Variants in RTN1 observed in about 807,000 individuals in gnomAD.
RTN1 encodes the protein reticulon-1.
In RTN1, 25 loss-of-function variants were observed where a neutral mutation model predicts 65.5. That is an observed-to-expected ratio of 0.38 (90% CI 0.28 to 0.53). The LOEUF (loss-of-function observed/expected upper bound fraction) is 0.53. RTN1 is among the 20% of genes least tolerant of loss of function. RTN1 has a pLI of 0.79. For missense variants in RTN1, 983 were observed against 1,025.4 expected, an observed-to-expected ratio of 0.96 and a Z score of 0.57; for synonymous variants, 471 against 447.6, an observed-to-expected ratio of 1.05 and a Z score of -0.66.
At chr14:59,690,838 C>T (rs1313646056) in intron 3 of RTN1, among the ~76,000 whole-genome samples, 1 of 151,920 alleles carries the variant, frequency 6.6e-6, no homozygotes, top group Non-Finnish European at 1.5e-5. Flanking sequence ...CTCCGAATGA[C>T]TTTTGGGTAA....
At chr14:59,623,507 A>G (rs887987242) in intron 3 of RTN1, among the ~76,000 whole-genome samples, 5 of 152,236 alleles carry the variant, frequency 3.3e-5, no homozygotes, top group Non-Finnish European at 7.4e-5. Flanking sequence ...AGATGGTCAC[A>G]GGGAGGAAAA....
chr14:59,650,250 G>T (rs1882994501), intron 3 of RTN1, among the ~76,000 whole-genome samples: 1 of 152,130 alleles, frequency 6.6e-6, no homozygotes, highest in South Asian at 2.1e-4. Flanking sequence ...GGGCCTGTCA[G>T]ATGTGCAGGG....
intron 3 of RTN1, among the ~76,000 whole-genome samples, chr14:59,696,678 C>T (rs1385585856): frequency 4.6e-5 from 7 of 152,214 alleles, no homozygotes; most frequent in African/African-American, 1.4e-4. Context: ...TCCCAGGTCC[C>T]AAATACTGAT....
intron 3 of RTN1, among the ~76,000 whole-genome samples, chr14:59,633,519 C>T (rs568840361): frequency 6.6e-6 from 1 of 152,304 alleles, no homozygotes; most frequent in South Asian, 2.1e-4. Context: ...TGCACAACTG[C>T]TCACACAGTA....
intron 3 of RTN1, among the ~76,000 whole-genome samples, chr14:59,702,733 C>G (rs1340025894): frequency 6.6e-6 from 1 of 152,218 alleles, no homozygotes; most frequent in Non-Finnish European, 1.5e-5. Context: ...GCCCTGGTCT[C>G]TCCTGTCTAC....
intron 3 of RTN1, among the ~76,000 whole-genome samples, chr14:59,697,194 A>G (rs1316474301): frequency 5.9e-5 from 9 of 152,172 alleles, no homozygotes; most frequent in Admixed American, 5.9e-4. Context: ...AACTTGGCTC[A>G]AATATCCCTC....
chr14:59,760,317 TA>T (rs1028303707), intron 1 of RTN1, among the ~76,000 whole-genome samples: 1 of 152,156 alleles, frequency 6.6e-6, no homozygotes, highest in African/African-American at 2.4e-5. Context: ...GGAATAAGAA[TA>T]TATGTTTGTA....
chr14:59,637,890 C>T (rs2140189753), intron 3 of RTN1, among the ~76,000 whole-genome samples: 1 of 151,744 alleles, frequency 6.6e-6, no homozygotes, highest in African/African-American at 2.4e-5. Flanking sequence ...TTTCACTCGT[C>T]TCCCAGGCTG....
chr14:59,868,441 T>A lies in RTN1; in HGVS notation c.241+1949A>T, dbSNP rs1887834883. On this transcript the variant is annotated intron_variant, in intron 1 of 8. Coordinates refer to ENST00000267484, the MANE Select transcript of RTN1 (RefSeq NM_021136.3). This position sits in a 1 kb window ranked among gnomAD's most constrained non-coding sequence, Gnocchi z 4.0. The stretch of plus-strand genomic sequence containing the variant: ...AAACACATTCAATAAAGCAAGGTAT[T>A]TCTATAATAATAATACTAAAAATGC... Among the ~76,000 whole-genome samples the A allele has an allele frequency of 6.6e-6, 1 of 152,206 alleles. No homozygotes were observed. The highest frequency in any genetic ancestry group is 1.5e-5 in the Non-Finnish European group (1 of 68,040).
chr14:59,849,369 GA>G lies in RTN1; in HGVS notation c.241+21020del, dbSNP rs574603998. ...ATTTTCATATTTGAGCATGGTAAAA[GA>G]AAAACCAATTAACTCCCTGATATTG... On this transcript the variant is annotated intron_variant, in intron 1 of 8. Coordinates refer to ENST00000267484, the MANE Select transcript of RTN1 (RefSeq NM_021136.3). The surrounding 1 kb of genome is among the most constrained non-coding windows in gnomAD (Gnocchi z 4.5). Among the ~76,000 whole-genome samples, 71 of 152,220 alleles carry G rather than the reference GA, an allele frequency of 4.7e-4. No individual in the cohort carries two copies. The highest frequency in any genetic ancestry group is 6.8e-3 in the Middle Eastern group (2 of 294).
Position 59,870,425 on chromosome 14 carries a change from C to T in RTN1, c.206G>A (p.Arg69Gln). 1 of 1,519,684 alleles carries T rather than the reference C, an allele frequency of 6.6e-7. No individual in the cohort carries two copies. Among genetic ancestry groups the T allele is most frequent in the Non-Finnish European group, 8.7e-7 (1 of 1,145,794 alleles). The allele number at this position is 1,519,684 out of a possible 1,614,324, so 94.1% of individuals were successfully genotyped here. A position where few individuals can be genotyped will look rare whatever the true frequency, so the allele number is the denominator to read the frequency against. ...ASREAGSGPA[R>Q]QSPVAMETAS... ...AGTTTCCATGGCAACGGGCGACTGC[C>T]GGGCGGGGCCCGAGCCGGCTTCCCG... is the stretch of plus-strand genomic sequence containing the variant. The change falls in exon 1 of 9, where the codon CGG becomes CAG. Residue 69 changes from arginine (R) to glutamine (Q), a missense_variant. Coordinates refer to ENST00000267484, the MANE Select transcript of RTN1 (RefSeq NM_021136.3). This position sits in a 1 kb window ranked among gnomAD's most constrained non-coding sequence, Gnocchi z 5.1.
intron 1 of RTN1, among the ~76,000 whole-genome samples, chr14:59,854,187 AT>A (rs1243298988): frequency 2.0e-5 from 3 of 152,098 alleles, no homozygotes; most frequent in African/African-American, 7.2e-5. Context: ...AATGCAATTA[AT>A]TGTTGCTTTT....
Position 59,750,329 on chromosome 14 carries a change from A to T in RTN1, c.242-3848T>A, listed in dbSNP as rs770205222. Among the ~76,000 whole-genome samples, 50 of 13,686 alleles carry T rather than the reference A, an allele frequency of 3.7e-3. 3 individuals carry two copies. The highest frequency in any genetic ancestry group is 3.0e-3 in the South Asian group (1 of 328). 9.0% of individuals were successfully genotyped at this position (13,686 alleles called of 152,430 possible). On this transcript the variant is annotated intron_variant, in intron 1 of 8. Coordinates refer to ENST00000267484, the MANE Select transcript of RTN1 (RefSeq NM_021136.3). ...ATAATATATAATATCTATAATATAT[A>T]ATATATTATATCTATAATATATATT...
intron 3 of RTN1, among the ~76,000 whole-genome samples, chr14:59,643,927 G>C (rs915326552): frequency 2.6e-5 from 4 of 152,054 alleles, no homozygotes; most frequent in Non-Finnish European, 4.4e-5. Context: ...ACTAGGTCTA[G>C]ATATTGATTT....
intron 2 of RTN1, among the ~76,000 whole-genome samples, chr14:59,729,528 T>G (rs1884855991): frequency 6.6e-6 from 1 of 152,224 alleles, no homozygotes. Flanking sequence ...TTTGATATGA[T>G]TTCAGACAGC....
At chr14:59,612,672 G>A (rs909714080) in intron 3 of RTN1, among the ~76,000 whole-genome samples, 8 of 152,178 alleles carry the variant, frequency 5.3e-5, no homozygotes, top group African/African-American at 1.9e-4. Flanking sequence ...CTTTGCTACA[G>A]GTCCCTGAAA....
intron 3 of RTN1, among the ~76,000 whole-genome samples, chr14:59,650,802 A>G (rs1883004273): frequency 6.6e-6 from 1 of 152,224 alleles, no homozygotes; most frequent in South Asian, 2.1e-4. Context: ...GAATAGGAAG[A>G]CTCAATATCA....
chr14:59,614,292 A>G (rs955581675), intron 3 of RTN1, among the ~76,000 whole-genome samples: 1 of 152,078 alleles, frequency 6.6e-6, no homozygotes, highest in African/African-American at 2.4e-5. Flanking sequence ...TTGGCCCTAG[A>G]AATTCATGTT....
At chr14:59,701,364 G>C (rs919373793) in intron 3 of RTN1, among the ~76,000 whole-genome samples, 3 of 152,148 alleles carry the variant, frequency 2.0e-5, no homozygotes, top group African/African-American at 7.2e-5. Context: ...ACAAAAACCT[G>C]TACATGAATG....
Sources: gnomAD v4.1 joint callset for allele counts (sites outside exome capture counted in the v4.1 genomes callset) on GRCh38, gnomAD v4.1.1 for gene constraint, Gnocchi (gnomAD v3.1) non-coding constraint, MANE v1.5 for transcripts, NCBI Gene and HGNC (gene_info 2026-07-23, HGNC 2026-07-21) for gene names.